Variants in WNT9A observed in about 807,000 individuals in gnomAD.
WNT9A encodes the protein protein Wnt-9a.
A neutral mutation model predicts 31.4 loss-of-function variants in WNT9A; 8 were observed. The observed-to-expected ratio is 0.26, with a 90% CI of 0.15 to 0.46. WNT9A has a LOEUF of 0.46. WNT9A is among the 20% of genes least tolerant of loss of function. WNT9A has a pLI of 0.99. For missense variants in WNT9A, 457 were observed against 522.9 expected (o/e 0.87, Z 1.23); for synonymous variants, 236 against 220.1 (o/e 1.07, Z -0.64).
intron 1 of WNT9A, among the ~76,000 whole-genome samples, chr1:227,947,581 G>A (rs1193144526): frequency 2.0e-5 from 3 of 150,980 alleles, no homozygotes; most frequent in Non-Finnish European, 1.5e-5. Context: ...ACCGCGGCCC[G>A]GCGCAAGCCG....
chr1:227,935,538 A>C (rs192363491), intron 1 of WNT9A, among the ~76,000 whole-genome samples: 1 of 152,156 alleles, frequency 6.6e-6, no homozygotes, highest in African/African-American at 2.4e-5. Flanking sequence ...CCCCTCCTCT[A>C]ACATTCTGTA....
At chr1:227,938,989 T>G (rs1008536900) in intron 1 of WNT9A, among the ~76,000 whole-genome samples, 4 of 152,128 alleles carry the variant, frequency 2.6e-5, no homozygotes, top group African/African-American at 9.7e-5. Context: ...TCATGACTGC[T>G]CTCCCCGGTG....
Position 227,921,486 on chromosome 1 carries a change from C to T in WNT9A, c.*32G>A. 1 of 1,586,382 alleles carries T rather than the reference C, an allele frequency of 6.3e-7. No individual in the cohort carries two copies. The highest frequency in any genetic ancestry group is 8.6e-7 in the Non-Finnish European group (1 of 1,164,986). ...TTCACACCGTGTGCAATGCCTGCAC[C>T]CTGTGCAGCAGGGCTGGCAGGGCCT... On this transcript the variant is annotated 3_prime_UTR_variant, in exon 4 of 4. Transcript: ENST00000272164.
In WNT9A at chr1:227,925,842, C is replaced by T. The variant is rs973447075; in HGVS notation, c.96-323G>A. On this transcript the variant is annotated intron_variant, in intron 1 of 3. Transcript: ENST00000272164. This position sits in a 1 kb window ranked among gnomAD's most constrained non-coding sequence, Gnocchi z 6.0. ...AGACCCCCACAACACACACAACATACGCAAGAGGACAGCCCCGCCTAGGGC... is the reference window on the plus strand; with the variant it reads ...AGACCCCCACAACACACACAACATATGCAAGAGGACAGCCCCGCCTAGGGC... Among the ~76,000 whole-genome samples, 1 of 152,230 alleles carries T rather than the reference C, an allele frequency of 6.6e-6. No homozygotes were observed. The highest frequency in any genetic ancestry group is 1.5e-5 in the Non-Finnish European group (1 of 67,982).
chr1:227,933,607 G>A (rs992631589), intron 1 of WNT9A, among the ~76,000 whole-genome samples: 3 of 152,122 alleles, frequency 2.0e-5, no homozygotes, highest in Non-Finnish European at 2.9e-5. Flanking sequence ...AGTGAGGGAC[G>A]TGCGACTCTC....
chr1:227,931,766 C>G (rs996129801), intron 1 of WNT9A, among the ~76,000 whole-genome samples: 2 of 152,200 alleles, frequency 1.3e-5, no homozygotes, highest in African/African-American at 4.8e-5. Flanking sequence ...TAACAATCAT[C>G]TCAGCTTCAC....
intron 1 of WNT9A, among the ~76,000 whole-genome samples, chr1:227,930,720 C>A (rs2102722733): frequency 6.6e-6 from 1 of 152,248 alleles, no homozygotes; most frequent in East Asian, 1.9e-4. Context: ...TGCTAAGAAC[C>A]TTTAAAAATC....
intron 1 of WNT9A, among the ~76,000 whole-genome samples, chr1:227,927,795 TG>T (rs1285994620): frequency 1.3e-5 from 2 of 152,108 alleles, no homozygotes; most frequent in Admixed American, 6.5e-5. Context: ...CCCAAGCCAC[TG>T]TCCCAGAAAA....
intron 1 of WNT9A, among the ~76,000 whole-genome samples, chr1:227,934,369 C>T (rs1024840723): frequency 6.6e-6 from 1 of 152,048 alleles, no homozygotes. Flanking sequence ...TATTACTTTT[C>T]TTTTCTGGTT....
Position 227,920,687 on chromosome 1 carries a change from G to C in WNT9A, c.*831C>G, listed in dbSNP as rs112796255. 1 of 152,174 alleles carries C rather than the reference G, an allele frequency of 6.6e-6. No individual in the cohort carries two copies. The highest frequency in any genetic ancestry group is 1.5e-5 in the Non-Finnish European group (1 of 68,050). The allele number at this position is 152,174 out of a possible 1,614,324, so 9.4% of individuals were successfully genotyped here. Reference sequence around the variant, plus strand: ...CGGGTGGCCCACACGGAGGCCGCATGGTCACCAAGGTGCACCTGCCACCCA... The same window carrying C: ...CGGGTGGCCCACACGGAGGCCGCATCGTCACCAAGGTGCACCTGCCACCCA... On this transcript the variant is annotated 3_prime_UTR_variant, in exon 4 of 4. Coordinates refer to ENST00000272164, the MANE Select transcript of WNT9A (RefSeq NM_003395.4).
At position 227,929,746 on chromosome 1, in the gene WNT9A, A is replaced by G. The variant is rs182076580; in HGVS notation, c.96-4227T>C. On this transcript the variant is annotated intron_variant, in intron 1 of 3. Transcript: ENST00000272164. ...CTACTCAGGAGGCTGAGGCGGGGGAAACACTTGAGCTTGGGAGGTCAAGGC... is the reference window on the plus strand; with the variant it reads ...CTACTCAGGAGGCTGAGGCGGGGGAGACACTTGAGCTTGGGAGGTCAAGGC... Among the ~76,000 whole-genome samples, 27 of 152,338 alleles carry G rather than the reference A, an allele frequency of 1.8e-4. No homozygotes were observed. The East Asian group carries it at 5.0e-3, about 28-fold the overall frequency.
chr1:227,939,688 C>T (rs1467191629), intron 1 of WNT9A, among the ~76,000 whole-genome samples: 2 of 152,232 alleles, frequency 1.3e-5, no homozygotes, highest in African/African-American at 4.8e-5. Flanking sequence ...GCCACCCTGA[C>T]CGGGACCCAG....
At position 227,942,971 on chromosome 1, in the gene WNT9A, C is replaced by G. The variant is rs2102731506; in HGVS notation, c.95+4822G>C. On this transcript the variant is annotated intron_variant, in intron 1 of 3. Coordinates refer to ENST00000272164, the MANE Select transcript of WNT9A (RefSeq NM_003395.4). This position sits in a 1 kb window ranked among gnomAD's most constrained non-coding sequence, Gnocchi z 5.7. ...CAGGCCCACCCCTCCTTCTCCGGCC[C>G]TGCCAGGGACCCACAGGTGCCCCTC... 6.6e-6 allele frequency among the ~76,000 whole-genome samples: 1 copy of G among 151,776 alleles called. No homozygotes were observed. The highest frequency in any genetic ancestry group is 1.5e-5 in the Non-Finnish European group (1 of 67,738).
chr1:227,945,901 G>GC (rs201364577), intron 1 of WNT9A, among the ~76,000 whole-genome samples: 2 of 152,042 alleles, frequency 1.3e-5, no homozygotes, highest in African/African-American at 2.4e-5. Context: ...GACCCAGGAT[G>GC]CCCCCCCAGC....
At position 227,921,210 on chromosome 1, in the gene WNT9A, G is replaced by A. The variant is rs1666306133; in HGVS notation, c.*308C>T. The A allele has an allele frequency of 2.5e-6, 1 of 392,516 alleles. No individual in the cohort carries two copies. Among genetic ancestry groups the A allele is most frequent in the Non-Finnish European group, 4.7e-6 (1 of 214,682 alleles). 24.3% of individuals were successfully genotyped at this position (392,516 alleles called of 1,614,324 possible). A position where few individuals can be genotyped will look rare whatever the true frequency, so the allele number is the denominator to read the frequency against. On this transcript the variant is annotated 3_prime_UTR_variant, in exon 4 of 4. Transcript: ENST00000272164. Reference sequence around the variant, plus strand: ...ACTCCTCACACCGTGTGCAATGCCTGTGCCATGTGCAGCAGGGCTGACTGG... The same window carrying A: ...ACTCCTCACACCGTGTGCAATGCCTATGCCATGTGCAGCAGGGCTGACTGG...
chr1:227,939,151 C>T (rs1296927365), intron 1 of WNT9A, among the ~76,000 whole-genome samples: 1 of 152,242 alleles, frequency 6.6e-6, no homozygotes, highest in Admixed American at 6.5e-5. Flanking sequence ...TACGTGGCTG[C>T]GGCTGCCATG....
chr1:227,947,907 C>T lies in WNT9A; in HGVS notation c.-20G>A, dbSNP rs985274014. The T allele has an allele frequency of 2.8e-6, 3 of 1,054,220 alleles. No homozygotes were observed. Among genetic ancestry groups the T allele is most frequent in the Non-Finnish European group, 2.3e-6 (2 of 875,198 alleles). The allele number at this position is 1,054,220 out of a possible 1,614,324, so 65.3% of individuals were successfully genotyped here. ...CAGCATCTTGCCGCGCCTCGGCGGCCGACCATCGCGCTCCCAGCTCCGCGC... is the reference window on the plus strand; with the variant it reads ...CAGCATCTTGCCGCGCCTCGGCGGCTGACCATCGCGCTCCCAGCTCCGCGC... On this transcript the variant is annotated 5_prime_UTR_variant, in exon 1 of 4. Transcript: ENST00000272164.
At position 227,947,898 on chromosome 1, in the gene WNT9A, C is replaced by A. The variant is rs1320745140; in HGVS notation, c.-11G>T. ...GGACCCATCCAGCATCTTGCCGCGC[C>A]TCGGCGGCCGACCATCGCGCTCCCA... On this transcript the variant is annotated 5_prime_UTR_variant, in exon 1 of 4. The change creates a new upstream start codon in the 5' untranslated region. Transcript: ENST00000272164. The A allele has an allele frequency of 2.6e-5, 28 of 1,063,762 alleles. No individual in the cohort carries two copies. The highest frequency in any genetic ancestry group is 3.1e-5 in the Non-Finnish European group (27 of 881,780). 65.9% of individuals were successfully genotyped at this position (1,063,762 alleles called of 1,614,324 possible).
At chr1:227,939,174 C>G (rs1193087113) in intron 1 of WNT9A, among the ~76,000 whole-genome samples, 1 of 152,252 alleles carries the variant, frequency 6.6e-6, no homozygotes, top group Non-Finnish European at 1.5e-5. Flanking sequence ...ACAGGGCACA[C>G]AGAACAGTTC....
Sources: gnomAD v4.1 joint callset for allele counts (sites outside exome capture counted in the v4.1 genomes callset) on GRCh38, gnomAD v4.1.1 for gene constraint, Gnocchi (gnomAD v3.1) non-coding constraint, MANE v1.5 for transcripts, NCBI Gene and HGNC (gene_info 2026-07-23, HGNC 2026-07-21) for gene names.